The following LARGE1 variants were observed in gnomAD, a reference collection of about 807,000 sequenced individuals.
The protein encoded by LARGE1 is LARGE xylosyl- and glucuronyltransferase 1, also known as xylosyl- and glucuronyltransferase LARGE1.
Under a neutral mutation model 87.6 loss-of-function variants are expected in LARGE1, and 43 were observed. That is an observed-to-expected ratio of 0.49 (90% CI 0.38 to 0.63). The LOEUF (loss-of-function observed/expected upper bound fraction) is 0.63, where lower values mean the gene tolerates loss of function less well. Ranked by LOEUF, LARGE1 falls within the 30% of genes least tolerant of loss-of-function variation. LARGE1 has a pLI of 0.00. For synonymous variants in LARGE1, 434 were observed against 394.6 expected (o/e 1.10, Z -1.18); for missense variants, 802 against 1,000.2 (o/e 0.80, Z 2.67).
At chr22:33,112,279 G>A in the LARGE1 span, among the ~76,000 whole-genome samples, 6 of 152,204 alleles carry the variant, frequency 3.9e-5, no homozygotes, top group Non-Finnish European at 5.9e-5. Context: ...TGGCTTCAAG[G>A]AAGTTACTTA....
chr22:33,467,083 T>C (rs1469979434), intron 6 of LARGE1, among the ~76,000 whole-genome samples: 3 of 152,182 alleles, frequency 2.0e-5, no homozygotes, highest in African/African-American at 7.2e-5. Context: ...TAGTTTTCAT[T>C]ACTTATAAAG....
At chr22:33,614,383 ACT>A (rs1403216010) in intron 4 of LARGE1, among the ~76,000 whole-genome samples, 1 of 151,924 alleles carries the variant, frequency 6.6e-6, no homozygotes, top group Non-Finnish European at 1.5e-5. Context: ...TCTCTAACTC[ACT>A]CTGATATATC....
At chr22:33,388,237 T>C (rs1023544945) in intron 7 of LARGE1, among the ~76,000 whole-genome samples, 2 of 152,228 alleles carry the variant, frequency 1.3e-5, no homozygotes, top group Non-Finnish European at 1.5e-5. Context: ...TTGTTTACTA[T>C]GTTTTTGCCA....
intron 9 of LARGE1, among the ~76,000 whole-genome samples, chr22:33,354,663 G>A (rs1340059505): frequency 6.6e-6 from 1 of 152,178 alleles, no homozygotes; most frequent in African/African-American, 2.4e-5. Context: ...ATAGCTGAAT[G>A]CTACAAATAT....
At chr22:33,668,158 G>A (rs2081317201) in intron 2 of LARGE1, among the ~76,000 whole-genome samples, 1 of 152,124 alleles carries the variant, frequency 6.6e-6, no homozygotes, top group Non-Finnish European at 1.5e-5. Context: ...TAATTAAACT[G>A]TATTTGTTAA....
At chr22:33,421,097 G>C (rs565396714) in intron 7 of LARGE1, among the ~76,000 whole-genome samples, 56 of 152,162 alleles carry the variant, frequency 3.7e-4, no homozygotes, top group Admixed American at 1.2e-3. Flanking sequence ...GCTGAGGTAG[G>C]AAAGTTGCTT....
Position 33,783,541 on chromosome 22 carries a change from G to A in LARGE1, c.-82-21983C>T, listed in dbSNP as rs769958768. On this transcript the variant is annotated intron_variant, in intron 1 of 14. Transcript: ENST00000397394. ...GATCATGCCATTTCACTCCAGCCTG[G>A]GCAACAGAGCGAAACTCCATCTCAA... 1.3e-4 allele frequency among the ~76,000 whole-genome samples: 20 copies of A among 152,208 alleles called. No homozygotes were observed. The East Asian group carries it at 2.9e-3, about 22-fold the overall frequency.
chr22:33,756,333 T>C (rs967695621), intron 2 of LARGE1, among the ~76,000 whole-genome samples: 1 of 152,164 alleles, frequency 6.6e-6, no homozygotes, highest in Non-Finnish European at 1.5e-5. Flanking sequence ...AGAGACCCGC[T>C]TTCTCCATTC....
At position 33,473,566 on chromosome 22, in the gene LARGE1, G is replaced by T. The variant is rs566929475; in HGVS notation, c.788-41301C>A. ...GACGAGGTTTCACCCTGTTGGTCAG[G>T]CTGGTCTTGAACTCCTGACCTCGTG... On this transcript the variant is annotated intron_variant, in intron 6 of 14. Transcript: ENST00000397394. 4.6e-5 allele frequency among the ~76,000 whole-genome samples: 7 copies of T among 152,158 alleles called. No homozygotes were observed. In the South Asian group the frequency reaches 1.5e-3, roughly 32 times the overall value.
At chr22:33,075,084 T>A in the LARGE1 span, among the ~76,000 whole-genome samples, 1 of 152,220 alleles carries the variant, frequency 6.6e-6, no homozygotes, top group Non-Finnish European at 1.5e-5. Context: ...TAGCCTGAAC[T>A]ATTAACCATT....
chr22:33,338,666 A>C (rs1005944226), intron 9 of LARGE1, among the ~76,000 whole-genome samples: 1 of 152,192 alleles, frequency 6.6e-6, no homozygotes, highest in Non-Finnish European at 1.5e-5. Flanking sequence ...AAAGCATGTA[A>C]ATAATGCCTA....
chr22:33,165,382 A>T (rs1432364492), exon 12 of LARGE1: 1 of 152,226 alleles, frequency 6.6e-6, no homozygotes, highest in Non-Finnish European at 1.5e-5. Context: ...GATTTGCTGC[A>T]GTTTGGTGTC....
intron 1 of LARGE1, among the ~76,000 whole-genome samples, chr22:33,849,578 TTTTC>T (rs1265207218): frequency 6.7e-6 from 1 of 148,768 alleles, no homozygotes; most frequent in Non-Finnish European, 1.5e-5. Flanking sequence ...TTTAGTTCTT[TTTTC>T]TTTTCTTCTC....
chr22:33,422,358 G>A (rs2066722173), intron 7 of LARGE1, among the ~76,000 whole-genome samples: 1 of 152,174 alleles, frequency 6.6e-6, no homozygotes, highest in Non-Finnish European at 1.5e-5. Flanking sequence ...CGGTTCTGCA[G>A]GCTTTACAAG....
intron 11 of LARGE1, among the ~76,000 whole-genome samples, chr22:33,305,002 G>A (rs954749839): frequency 6.6e-6 from 1 of 152,168 alleles, no homozygotes; most frequent in Non-Finnish European, 1.5e-5. Context: ...CAGTGTGCCA[G>A]GAGCTTCCCA....
chr22:33,461,559 G>A (rs953119847), intron 6 of LARGE1, among the ~76,000 whole-genome samples: 6 of 150,978 alleles, frequency 4.0e-5, no homozygotes, highest in Non-Finnish European at 8.8e-5. Context: ...TGTAAATGAC[G>A]AGTTAATGGG....
At chr22:33,747,921 T>C (rs1012658563) in intron 2 of LARGE1, 13 of 148,202 alleles carry the variant, frequency 8.8e-5, no homozygotes, top group African/African-American at 3.3e-4. Flanking sequence ...TCATAATTGT[T>C]ATCAACAGGT....
At chr22:33,311,803 G>T (rs1935627022) in intron 11 of LARGE1, among the ~76,000 whole-genome samples, 1 of 152,142 alleles carries the variant, frequency 6.6e-6, no homozygotes, top group South Asian at 2.1e-4. Context: ...TATGTGCTCA[G>T]GGCTTTTATA....
At chr22:33,299,853 C>T (rs145768693) in intron 12 of LARGE1, among the ~76,000 whole-genome samples, 3 of 152,210 alleles carry the variant, frequency 2.0e-5, no homozygotes, top group Non-Finnish European at 2.9e-5. Flanking sequence ...GAAAGCTGTA[C>T]ATCCAGGAGC....
Sources: allele counts gnomAD v4.1 joint callset (sites outside exome capture counted in the v4.1 genomes callset), GRCh38; gene constraint gnomAD v4.1.1; transcripts MANE v1.5; gene names NCBI Gene and HGNC (gene_info 2026-07-23, HGNC 2026-07-21).